Variants in TOX2 observed in about 807,000 individuals in gnomAD.
TOX2 encodes TOX high mobility group box family member 2.
In TOX2, 15 loss-of-function variants were observed where a neutral mutation model predicts 47.4. That is an observed-to-expected ratio of 0.32 (90% CI 0.21 to 0.49). The LOEUF (loss-of-function observed/expected upper bound fraction) is 0.49. TOX2 is among the 20% of genes least tolerant of loss of function. The pLI, the probability that TOX2 is intolerant of heterozygous loss-of-function variation, is 0.99. For missense variants in TOX2, 622 were observed against 673.1 expected (o/e 0.92, Z 0.84); for synonymous variants, 290 against 296.6 (o/e 0.98, Z 0.23).
At chr20:43,960,986 A>G (rs116914397) in intron 1 of TOX2, among the ~76,000 whole-genome samples, 3 of 152,380 alleles carry the variant, frequency 2.0e-5, no homozygotes, top group East Asian at 3.9e-4. Context: ...ACACACAGTG[A>G]GTGGTGCCTG....
chr20:43,919,962 C>T (rs994696299), intron 1 of TOX2, among the ~76,000 whole-genome samples: 4 of 152,128 alleles, frequency 2.6e-5, no homozygotes, highest in African/African-American at 7.2e-5. Context: ...TTTTGTCTGG[C>T]GAGATTGTAA....
In TOX2 at chr20:44,068,922, C is replaced by T. The variant is rs1340557467; in HGVS notation, c.*236C>T. 2.4e-5 allele frequency: 16 copies of T among 680,772 alleles called. No individual in the cohort carries two copies. Among genetic ancestry groups the T allele is most frequent in the African/African-American group, 5.3e-5 (3 of 56,362 alleles). 42.2% of individuals were successfully genotyped at this position (680,772 alleles called of 1,614,324 possible). On this transcript the variant is annotated 3_prime_UTR_variant, in exon 9 of 9. Transcript: ENST00000341197. Reference sequence around the variant, plus strand: ...CAGGAACCTTCCGCCCGCTGACCTGCTTGCTCCAGGGTAACTGTGGACCCT... The same window carrying T: ...CAGGAACCTTCCGCCCGCTGACCTGTTTGCTCCAGGGTAACTGTGGACCCT...
intron 3 of TOX2, among the ~76,000 whole-genome samples, chr20:44,018,504 T>C (rs1253477707): frequency 6.6e-6 from 1 of 152,206 alleles, no homozygotes; most frequent in Non-Finnish European, 1.5e-5. Context: ...GAAAATGAGC[T>C]TTTAATGTAC....
chr20:44,069,010 A>C lies in TOX2; in HGVS notation c.*324A>C. On this transcript the variant is annotated 3_prime_UTR_variant, in exon 9 of 9. Coordinates refer to ENST00000341197, the MANE Select transcript of TOX2 (RefSeq NM_001098797.2). ...CCGGCCCCAGCTCCAGCCCCAGCCC[A>C]GGTGGGCCGCCCCTGGCGGGGTCGC... The C allele has an allele frequency of 2.1e-6, 1 of 482,362 alleles. No homozygotes were observed. Among genetic ancestry groups the C allele is most frequent in the Middle Eastern group, 3.7e-4 (1 of 2,714 alleles). 29.9% of individuals were successfully genotyped at this position (482,362 alleles called of 1,614,324 possible).
At chr20:44,012,614 G>A (rs2070796229) in intron 3 of TOX2, among the ~76,000 whole-genome samples, 3 of 152,098 alleles carry the variant, frequency 2.0e-5, no homozygotes. Context: ...GCTATCTTTG[G>A]GATCTTGGAC....
chr20:43,978,797 G>GTGTGTT (rs2070123646), intron 2 of TOX2, among the ~76,000 whole-genome samples: 1 of 150,066 alleles, frequency 6.7e-6, no homozygotes, highest in Admixed American at 6.6e-5. Flanking sequence ...GTGTGTGTGT[G>GTGTGTT]TATTAGAGTC....
At chr20:43,935,097 G>A (rs893594165) in intron 1 of TOX2, among the ~76,000 whole-genome samples, 1 of 152,074 alleles carries the variant, frequency 6.6e-6, no homozygotes, top group Non-Finnish European at 1.5e-5. Flanking sequence ...GGTGCCTTGG[G>A]GGTGAATGGA....
intron 1 of TOX2, among the ~76,000 whole-genome samples, chr20:43,941,585 G>A (rs1372389599): frequency 2.0e-5 from 3 of 152,184 alleles, no homozygotes; most frequent in East Asian, 1.9e-4. Flanking sequence ...CACCCACTTC[G>A]GCCTCCCAAA....
At chr20:44,031,245 C>T (rs919383791) in intron 3 of TOX2, among the ~76,000 whole-genome samples, 45 of 152,256 alleles carry the variant, frequency 3.0e-4, no homozygotes, top group African/African-American at 1.1e-3. Context: ...TCTGTTAGCG[C>T]CCTCTGTGTT....
chr20:44,014,976 G>A (rs747234094), intron 3 of TOX2, among the ~76,000 whole-genome samples: 10 of 152,106 alleles, frequency 6.6e-5, no homozygotes, highest in Admixed American at 1.3e-4. Context: ...CCAAGAAAGC[G>A]GGGGCCCAAG....
Position 43,978,694 on chromosome 20 carries a change from C to T in TOX2, c.165+5262C>T, listed in dbSNP as rs114261703. ...CTTCCTGGCTGTGTGTAGAGTTTTC[C>T]ACTCTCTTAGCTCTAAATACCACTT... On this transcript the variant is annotated intron_variant, in intron 2 of 8. Coordinates refer to ENST00000341197, the MANE Select transcript of TOX2 (RefSeq NM_001098797.2). Among the ~76,000 whole-genome samples the T allele has an allele frequency of 1.9e-3, 286 of 152,034 alleles. 4 individuals carry two copies. Among genetic ancestry groups the T allele is most frequent in the African/African-American group, 6.6e-3 (273 of 41,440 alleles).
chr20:44,035,394 C>T (rs2071223272), intron 3 of TOX2, among the ~76,000 whole-genome samples: 1 of 152,142 alleles, frequency 6.6e-6, no homozygotes, highest in South Asian at 2.1e-4. Flanking sequence ...TGGACACCCT[C>T]ACCTTCTTCA....
chr20:43,955,614 C>A (rs530349700), intron 1 of TOX2, among the ~76,000 whole-genome samples: 3 of 152,158 alleles, frequency 2.0e-5, no homozygotes, highest in Admixed American at 1.3e-4. Flanking sequence ...CCCTTTCTGA[C>A]TCCTGGGTGA....
At chr20:43,961,748 C>T (rs989451625) in intron 1 of TOX2, among the ~76,000 whole-genome samples, 1 of 152,100 alleles carries the variant, frequency 6.6e-6, no homozygotes, top group Non-Finnish European at 1.5e-5. Context: ...ATGGGCCTGG[C>T]TTCGATGAGA....
In TOX2 at chr20:44,046,530, T is replaced by C. The variant is rs551509056; in HGVS notation, c.412-4776T>C. Among the ~76,000 whole-genome samples, 185 of 152,364 alleles carry C rather than the reference T, an allele frequency of 1.2e-3. 1 individual carries two copies. Among genetic ancestry groups the C allele is most frequent in the African/African-American group, 4.1e-3 (172 of 41,592 alleles). On this transcript the variant is annotated intron_variant, in intron 3 of 8. Coordinates refer to ENST00000341197, the MANE Select transcript of TOX2 (RefSeq NM_001098797.2). ...GCACCCACGTTCCTAGCAGCATTAT[T>C]CATAATGCCCAACCAACTGCCTACC...
At chr20:43,974,817 C>A (rs1358388894) in intron 2 of TOX2, among the ~76,000 whole-genome samples, 1 of 152,236 alleles carries the variant, frequency 6.6e-6, no homozygotes, top group Non-Finnish European at 1.5e-5. Context: ...CTGCAGGGTG[C>A]TGCGCCCCCT....
chr20:43,950,787 C>T (rs752048003), intron 1 of TOX2, among the ~76,000 whole-genome samples: 5 of 152,058 alleles, frequency 3.3e-5, no homozygotes, highest in African/African-American at 4.8e-5. Context: ...CACTTATTGA[C>T]TATGTGTATT....
intron 3 of TOX2, among the ~76,000 whole-genome samples, chr20:44,017,766 C>T (rs564334982): frequency 6.6e-6 from 1 of 152,176 alleles, no homozygotes; most frequent in African/African-American, 2.4e-5. Flanking sequence ...TGCCATTTTA[C>T]AGATGAGAAA....
intron 1 of TOX2, among the ~76,000 whole-genome samples, chr20:43,971,028 C>T (rs2069955796): frequency 6.6e-6 from 1 of 152,172 alleles, no homozygotes; most frequent in African/African-American, 2.4e-5. Context: ...CAGTAGTCAC[C>T]AAGGGACTCT....
Sources: allele counts gnomAD v4.1 joint callset (sites outside exome capture counted in the v4.1 genomes callset), GRCh38; gene constraint gnomAD v4.1.1; transcripts MANE v1.5; gene names NCBI Gene and HGNC (gene_info 2026-07-23, HGNC 2026-07-21).